HNF4A: variants seen among roughly 807,000 people sequenced by gnomAD.
The protein encoded by HNF4A is hepatocyte nuclear factor 4 alpha.
Under a neutral mutation model 52.4 loss-of-function variants are expected in HNF4A, and 15 were observed. That is an observed-to-expected ratio of 0.29 (90% CI 0.19 to 0.44). The LOEUF is 0.44. Among genes scored for constraint, HNF4A ranks in the 20% least tolerant of loss-of-function variants. The probability of loss-of-function intolerance (pLI) is 1.00; values close to 1 mark genes in which losing one functional copy is unlikely to be tolerated. For synonymous variants in HNF4A, 280 were observed against 264.4 expected (o/e 1.06, Z -0.57); for missense variants, 479 against 647.2 (o/e 0.74, Z 2.82).
intron 5 of HNF4A, among the ~76,000 whole-genome samples, chr20:44,416,074 A>G (rs1328365683): frequency 6.6e-6 from 1 of 152,170 alleles, no homozygotes; most frequent in Non-Finnish European, 1.5e-5. Flanking sequence ...GAGCATTCTC[A>G]GAGAGCAATG....
intron 9 of HNF4A, among the ~76,000 whole-genome samples, 155 bp downstream of exon 9, chr20:44,428,642 G>A (rs890899642): frequency 1.9e-4 from 29 of 152,264 alleles, no homozygotes; most frequent in African/African-American, 6.5e-4. Flanking sequence ...ATTTGTTGAG[G>A]CTGTTTATTC....
At chr20:44,361,031 C>T (rs1346772374) in intron 1 of HNF4A, among the ~76,000 whole-genome samples, 1 of 152,120 alleles carries the variant, frequency 6.6e-6, no homozygotes, top group Non-Finnish European at 1.5e-5. Context: ...GGCTATGGGA[C>T]CGTGTCCAAT....
chr20:44,393,860 G>C (rs897963436), intron 1 of HNF4A, among the ~76,000 whole-genome samples: 4 of 152,028 alleles, frequency 2.6e-5, no homozygotes, highest in Admixed American at 6.6e-5. Flanking sequence ...GATAGGGACT[G>C]GGCATCTGTC....
At chr20:44,376,729 A>T (rs1466094977) in intron 1 of HNF4A, among the ~76,000 whole-genome samples, 1 of 152,212 alleles carries the variant, frequency 6.6e-6, no homozygotes, top group Admixed American at 6.5e-5. Flanking sequence ...ATTACCAGAC[A>T]CATTTTCACA....
intron 5 of HNF4A, among the ~76,000 whole-genome samples, chr20:44,417,024 C>T (rs188592645): frequency 3.3e-5 from 5 of 152,250 alleles, no homozygotes; most frequent in East Asian, 1.9e-4. Context: ...AATGTTAGTT[C>T]GATGAGATTA....
intron 1 of HNF4A, among the ~76,000 whole-genome samples, chr20:44,382,763 A>G (rs1287200500): frequency 1.3e-5 from 2 of 152,180 alleles, no homozygotes. Flanking sequence ...GAATTTTGCT[A>G]TGTCACTTTC....
intron 5 of HNF4A, 122 bp from the exon 6 acceptor site, chr20:44,418,303 C>A: frequency 1.2e-6 from 1 of 801,404 alleles, no homozygotes; most frequent in South Asian, 1.3e-5. Flanking sequence ...ATGCCCATTT[C>A]ACAGTTCAGG....
chr20:44,422,956 G>A (rs556566690), intron 7 of HNF4A, among the ~76,000 whole-genome samples: 1 of 152,236 alleles, frequency 6.6e-6, no homozygotes, highest in African/African-American at 2.4e-5. Context: ...TGGGCTTACA[G>A]GCATGAGCCA....
chr20:44,419,590 A>T, intron 6 of HNF4A, 131 bp from the exon 7 acceptor site: 1 of 835,248 alleles, frequency 1.2e-6, no homozygotes, highest in Non-Finnish European at 2.0e-6. Flanking sequence ...TACCTGTGAA[A>T]TGGGAGTCAC....
At chr20:44,417,694 C>T (rs1294753220) in intron 5 of HNF4A, among the ~76,000 whole-genome samples, 4 of 152,064 alleles carry the variant, frequency 2.6e-5, no homozygotes, top group Admixed American at 6.5e-5. Context: ...ATTTTCAGGC[C>T]GGGCGCAGTG....
At chr20:44,385,387 T>A (rs2063210547) in intron 1 of HNF4A, among the ~76,000 whole-genome samples, 1 of 152,006 alleles carries the variant, frequency 6.6e-6, no homozygotes, top group Admixed American at 6.6e-5. Flanking sequence ...TTTGGGAGGC[T>A]GATTTGCTTG....
At chr20:44,368,277 G>A (rs1249502899) in intron 1 of HNF4A, among the ~76,000 whole-genome samples, 3 of 144,800 alleles carry the variant, frequency 2.1e-5, no homozygotes, top group East Asian at 2.1e-4. Flanking sequence ...AACAATTCTC[G>A]TGCCTCAGCT....
At chr20:44,367,681 C>T (rs11906258) in intron 1 of HNF4A, among the ~76,000 whole-genome samples, 2,835 of 150,972 alleles carry the variant, frequency 0.019, 101 homozygotes, top group African/African-American at 0.066. Flanking sequence ...GACATGGTGG[C>T]GCACACTTAA....
rs1262681511 is a variant in HNF4A, at chr20:44,428,318, AC to A, written c.1130-15del. 5 of 1,613,434 alleles carry A rather than the reference AC, an allele frequency of 3.1e-6. No homozygotes were observed. In the South Asian group the frequency reaches 5.5e-5, roughly 18 times the overall value. On this transcript the variant is annotated splice_polypyrimidine_tract_variant and intron_variant, in intron 8 of 9. Transcript: ENST00000316099. Reference sequence around the variant, plus strand: ...CATCCCAGACTCTCCATCCTGATCGACCTTCTCTACCTGCAGGGTCCCCCAG... The same window carrying A: ...CATCCCAGACTCTCCATCCTGATCGACTTCTCTACCTGCAGGGTCCCCCAG...
intron 9 of HNF4A, among the ~76,000 whole-genome samples, chr20:44,429,120 T>A (rs1216840045): frequency 6.6e-6 from 1 of 152,176 alleles, no homozygotes; most frequent in Non-Finnish European, 1.5e-5. Flanking sequence ...CAAGAAATGG[T>A]ATTTTTTGAG....
At chr20:44,397,905 G>A (rs1456643055), upstream of HNF4A, among the ~76,000 whole-genome samples, 1 of 152,200 alleles carries the variant, frequency 6.6e-6, no homozygotes, top group Non-Finnish European at 1.5e-5. Context: ...AGGATTACAG[G>A]TGTGAGCCCC....
chr20:44,358,130 TAA>T (rs970741006), intron 1 of HNF4A, among the ~76,000 whole-genome samples: 1 of 129,598 alleles, frequency 7.7e-6, no homozygotes, highest in African/African-American at 2.9e-5. Flanking sequence ...CTACCTTATT[TAA>T]AAAAAAAAAA....
chr20:44,429,404 G>C (rs2063849397), intron 9 of HNF4A, 119 bp from the exon 10 acceptor site: 1 of 1,062,714 alleles, frequency 9.4e-7, no homozygotes, highest in Non-Finnish European at 1.4e-6. Flanking sequence ...ATTTTATAGA[G>C]GAAGAAATTA....
chr20:44,404,793 C>A (rs115511977), intron 1 of HNF4A, among the ~76,000 whole-genome samples: 13 of 74 alleles, frequency 0.18, 1 homozygote, highest in East Asian at 0.5. Flanking sequence ...GTGCGTGTGT[C>A]TGTGTGGTGT....
Sources: allele counts gnomAD v4.1 joint callset (sites outside exome capture counted in the v4.1 genomes callset), GRCh38; gene constraint gnomAD v4.1.1; transcripts MANE v1.5; gene names NCBI Gene and HGNC (gene_info 2026-07-23, HGNC 2026-07-21).